FBN1: variants seen among roughly 807,000 people sequenced by gnomAD.
FBN1 encodes fibrillin 1, also known as fibrillin-1.
FBN1 carries 29 observed loss-of-function variants against 365.1 expected under a neutral mutation model. The ratio of observed to expected loss-of-function variants is 0.08; its 90% CI spans 0.06 to 0.11. FBN1 has a LOEUF of 0.11. Among genes scored for constraint, FBN1 ranks in the 10% least tolerant of loss-of-function variants. The pLI, the probability that FBN1 is intolerant of heterozygous loss-of-function variation, is 1.00. For synonymous variants in FBN1, 1,210 were observed against 1,270.5 expected (o/e 0.95, Z 1.01); for missense variants, 2,476 against 3,703.2 (o/e 0.67, Z 8.60).
At chr15:48,582,476 CAT>C (rs1183917806) in intron 6 of FBN1, among the ~76,000 whole-genome samples, 1 of 152,162 alleles carries the variant, frequency 6.6e-6, no homozygotes, top group Non-Finnish European at 1.5e-5. Flanking sequence ...CACAAAACCA[CAT>C]GTGGTATTAG....
chr15:48,432,655 A>C (rs1231070756), intron 55 of FBN1, among the ~76,000 whole-genome samples: 1 of 152,176 alleles, frequency 6.6e-6, no homozygotes, highest in Non-Finnish European at 1.5e-5. Flanking sequence ...AGTGAGACCT[A>C]ATAAAGGATG....
At chr15:48,436,007 A>T (rs2043069572) in intron 53 of FBN1, among the ~76,000 whole-genome samples, 1 of 152,092 alleles carries the variant, frequency 6.6e-6, no homozygotes, top group Non-Finnish European at 1.5e-5. Flanking sequence ...TCAAAAGTAA[A>T]GGCAAGAGGC....
chr15:48,581,427 C>G (rs762757270), intron 6 of FBN1, among the ~76,000 whole-genome samples: 9 of 152,196 alleles, frequency 5.9e-5, no homozygotes, highest in Non-Finnish European at 1.2e-4. Flanking sequence ...CGTGACACAG[C>G]AGCAGTTCAT....
intron 2 of FBN1, among the ~76,000 whole-genome samples, chr15:48,636,457 G>T (rs1269015920): frequency 1.3e-5 from 2 of 152,150 alleles, no homozygotes; most frequent in Non-Finnish European, 2.9e-5. Flanking sequence ...GGAGGCTGTT[G>T]TTCAAGATCC....
At position 48,556,673 on chromosome 15, in the gene FBN1, G is replaced by A. The variant is rs527311475; in HGVS notation, c.539-18865C>T. ...TCATAGTGAACATAGTGCCAGAGTTGAATTCAGGCTGTGGACACAGAAAGT... is the reference window on the plus strand; with the variant it reads ...TCATAGTGAACATAGTGCCAGAGTTAAATTCAGGCTGTGGACACAGAAAGT... On this transcript the variant is annotated intron_variant, in intron 6 of 65. Transcript: ENST00000316623. Among the ~76,000 whole-genome samples, 3 of 152,302 alleles carry A rather than the reference G, an allele frequency of 2.0e-5. No homozygotes were observed. In the South Asian group the frequency reaches 6.2e-4, roughly 32 times the overall value.
chr15:48,566,120 T>C (rs1225733550), intron 6 of FBN1, among the ~76,000 whole-genome samples: 1 of 152,162 alleles, frequency 6.6e-6, no homozygotes, highest in Non-Finnish European at 1.5e-5. Flanking sequence ...GAGTTTGCTG[T>C]AATCATCTGT....
intron 53 of FBN1, among the ~76,000 whole-genome samples, chr15:48,436,178 C>T (rs1285076790): frequency 6.6e-6 from 1 of 152,030 alleles, no homozygotes; most frequent in African/African-American, 2.4e-5. Context: ...ATAAAAATCC[C>T]GATACCATTG....
At chr15:48,505,783 G>T (rs1597575500) in intron 15 of FBN1, among the ~76,000 whole-genome samples, 1 of 152,264 alleles carries the variant, frequency 6.6e-6, no homozygotes, top group East Asian at 1.9e-4. Context: ...ACACTTTATG[G>T]TATTTTATGT....
chr15:48,440,859 C>T (rs1991326), intron 50 of FBN1, among the ~76,000 whole-genome samples: 1 of 147,316 alleles, frequency 6.8e-6, no homozygotes, highest in African/African-American at 2.5e-5. Flanking sequence ...TCCAGTGCCT[C>T]TTCCATATTT....
intron 6 of FBN1, among the ~76,000 whole-genome samples, chr15:48,553,545 T>C (rs562290594): frequency 5.3e-5 from 8 of 152,282 alleles, no homozygotes; most frequent in Admixed American, 3.9e-4. Flanking sequence ...TATGAAACAA[T>C]AAAAATGAAG....
intron 6 of FBN1, among the ~76,000 whole-genome samples, chr15:48,587,094 C>T (rs627634): frequency 0.077 from 11,749 of 152,236 alleles, 496 homozygotes; most frequent in Middle Eastern, 0.16. Flanking sequence ...TTTCATGGAA[C>T]CCCTCATGGG....
rs747049980 is a variant in FBN1 at position 48,537,625 on chromosome 15, G to A, written c.722C>T (p.Thr241Met). The A allele has an allele frequency of 4.3e-6, 7 of 1,614,056 alleles. No individual in the cohort carries two copies. The highest frequency in any genetic ancestry group is 1.7e-5 in the Admixed American group (1 of 59,996). Residue 241 changes from threonine to methionine, a missense_variant, in exon 7 of 66, where the codon ACG becomes ATG. By Grantham distance (81) the Thr-to-Met change is moderately conservative. This residue lies in a region of FBN1 where 421 missense variants were observed against 520.1 expected (regional missense o/e 0.81). Coordinates refer to ENST00000316623, the MANE Select transcript of FBN1 (RefSeq NM_000138.5). ...CRRGFIPNIR[T>M]GACQDVDECQ... is the part of the protein sequence containing the mutation. ...CCCGGGTTTACCTTGACAAGCTCCC[G>A]TGCGGATATTTGGAATGAAGCCACG...
intron 2 of FBN1, among the ~76,000 whole-genome samples, chr15:48,633,169 T>C (rs1338429397): frequency 6.6e-6 from 1 of 152,190 alleles, no homozygotes; most frequent in Non-Finnish European, 1.5e-5. Context: ...AAATGAAGCA[T>C]TGGGTCCTAT....
rs571101948 is a variant in FBN1 at position 48,490,680 on chromosome 15, G to A, written c.2855-602C>T. 2.6e-5 allele frequency among the ~76,000 whole-genome samples: 4 copies of A among 152,314 alleles called. No homozygotes were observed. The South Asian group carries it at 8.3e-4, about 32-fold the overall frequency. ...GGCACATTCTTCAAGGTACTTGTGGGATACCTCTAGCCCCAAACCCAAATT... is the reference window on the plus strand; with the variant it reads ...GGCACATTCTTCAAGGTACTTGTGGAATACCTCTAGCCCCAAACCCAAATT... On this transcript the variant is annotated intron_variant, in intron 24 of 65. Coordinates refer to ENST00000316623, the MANE Select transcript of FBN1 (RefSeq NM_000138.5).
At chr15:48,491,020 T>C (rs1326814855) in intron 24 of FBN1, among the ~76,000 whole-genome samples, 1 of 152,252 alleles carries the variant, frequency 6.6e-6, no homozygotes, top group Non-Finnish European at 1.5e-5. Context: ...TTTGAAGTCT[T>C]TATATTCAGC....
intron 63 of FBN1, among the ~76,000 whole-genome samples, chr15:48,419,943 G>C (rs2042927285): frequency 6.6e-6 from 1 of 152,198 alleles, no homozygotes; most frequent in Admixed American, 6.5e-5. Flanking sequence ...CTAGTTCCAA[G>C]CATGTCACAA....
rs938608682 is a variant in FBN1 at position 48,504,068 on chromosome 15, C to T, written c.1961-129G>A. On this transcript the variant is annotated intron_variant, in intron 16 of 65. Transcript: ENST00000316623. ...AACTCACAGGGAATGCCTCTGATAT[C>T]GGGGCTCCATTTGAAGAAAAAATAA... 6.3e-6 allele frequency: 7 copies of T among 1,103,382 alleles called. No individual in the cohort carries two copies. In the African/African-American group the frequency reaches 7.7e-5, roughly 12 times the overall value. 68.3% of individuals were successfully genotyped at this position (1,103,382 alleles called of 1,614,324 possible).
chr15:48,413,763 T>C (rs1206838529), intron 64 of FBN1, among the ~76,000 whole-genome samples: 1 of 152,252 alleles, frequency 6.6e-6, no homozygotes, highest in African/African-American at 2.4e-5. Context: ...TGTTTTTCTG[T>C]AATAGCTGAT....
rs1566895695 is a variant in FBN1, at chr15:48,435,774, G to GTATA, written c.6497-1062_6497-1061insTATA. Among the ~76,000 whole-genome samples, 73 of 35,904 alleles carry GTATA rather than the reference G, an allele frequency of 2.0e-3. 1 individual carries two copies. The highest frequency in any genetic ancestry group is 6.7e-3 in the South Asian group (8 of 1,194). The allele number at this position is 35,904 out of a possible 152,430, so 23.6% of individuals were successfully genotyped here. A position where few individuals can be genotyped will look rare whatever the true frequency, so the allele number is the denominator to read the frequency against. ...TATGTGTGTATATATATGTGTATAT[G>GTATA]TGTGTGTGTGTGTGTGTGTGTGTGT... On this transcript the variant is annotated intron_variant, in intron 53 of 65. Coordinates refer to ENST00000316623, the MANE Select transcript of FBN1 (RefSeq NM_000138.5).
Sources: gnomAD v4.1 joint callset for allele counts (sites outside exome capture counted in the v4.1 genomes callset) on GRCh38, gnomAD v4.1.1 for gene constraint, gnomAD v4.1.1 regional missense constraint, MANE v1.5 for transcripts, NCBI Gene and HGNC (gene_info 2026-07-23, HGNC 2026-07-21) for gene names.